KIRREL3: variants seen among roughly 807,000 people sequenced by gnomAD.
The protein encoded by KIRREL3 is kin of IRRE-like protein 3.
A neutral mutation model predicts 89.7 loss-of-function variants in KIRREL3; 36 were observed. The observed-to-expected ratio is 0.40, with a 90% confidence interval of 0.31 to 0.53. The LOEUF is 0.53. Ranked by LOEUF, KIRREL3 falls within the 20% of genes least tolerant of loss-of-function variation. The probability of loss-of-function intolerance (pLI) is 0.49; values close to 1 mark genes in which losing one functional copy is unlikely to be tolerated. For synonymous variants in KIRREL3, 445 were observed against 441.4 expected, an observed-to-expected ratio of 1.01 and a Z score of -0.10; for missense variants, 864 against 1,056.6, an observed-to-expected ratio of 0.82 and a Z score of 2.53.
intron 1 of KIRREL3, among the ~76,000 whole-genome samples, chr11:126,957,762 C>CA (rs1181652096): frequency 6.6e-6 from 1 of 152,214 alleles, no homozygotes; most frequent in Non-Finnish European, 1.5e-5. Context: ...TCTGTGTACA[C>CA]AGACAGTTAG....
intron 1 of KIRREL3, among the ~76,000 whole-genome samples, chr11:126,765,358 G>C (rs1244491487): frequency 6.6e-6 from 1 of 152,136 alleles, no homozygotes; most frequent in South Asian, 2.1e-4. Flanking sequence ...ACACCACAAA[G>C]CTAAGCCTCT....
In KIRREL3 at chr11:126,501,183, G is replaced by A. The variant is rs956471589; in HGVS notation, c.433+20132C>T. 1.2e-4 allele frequency among the ~76,000 whole-genome samples: 18 copies of A among 152,230 alleles called. No homozygotes were observed. Among genetic ancestry groups the A allele is most frequent in the East Asian group, 1.9e-4 (1 of 5,204 alleles). On this transcript the variant is annotated intron_variant, in intron 4 of 16. Coordinates refer to ENST00000525144, the MANE Select transcript of KIRREL3 (RefSeq NM_032531.4). The surrounding 1 kb of genome is among the most constrained non-coding windows in gnomAD (Gnocchi z 5.8). ...GTCCGTCCCACACTTTTCTCTGCAC[G>A]TCTGAGGAGTCCAGGAGGACTGGCT...
At position 126,943,936 on chromosome 11, in the gene KIRREL3, T is replaced by C. The variant is rs1463444114; in HGVS notation, c.55+56519A>G. Among the ~76,000 whole-genome samples, 1 of 152,194 alleles carries C rather than the reference T, an allele frequency of 6.6e-6. No homozygotes were observed. Among genetic ancestry groups the C allele is most frequent in the African/African-American group, 2.4e-5 (1 of 41,466 alleles). ...GCAGTTCGGGACATACCAAAATATG[T>C]CACCTTGGCATTTGACAAAACAGCA... On this transcript the variant is annotated intron_variant, in intron 1 of 16. Coordinates refer to ENST00000525144, the MANE Select transcript of KIRREL3 (RefSeq NM_032531.4). The surrounding 1 kb of genome is among the most constrained non-coding windows in gnomAD (Gnocchi z 4.2).
chr11:126,960,987 G>A (rs932747533), intron 1 of KIRREL3, among the ~76,000 whole-genome samples: 1 of 152,100 alleles, frequency 6.6e-6, no homozygotes, highest in Non-Finnish European at 1.5e-5. Context: ...TGTTAATATT[G>A]TAATTGTTTT....
At chr11:126,963,226 A>T (rs1187529000) in intron 1 of KIRREL3, among the ~76,000 whole-genome samples, 2 of 152,064 alleles carry the variant, frequency 1.3e-5, no homozygotes, top group African/African-American at 2.4e-5. Context: ...TGTGGAAGAG[A>T]TCTAGCCTTC....
chr11:126,533,098 T>C (rs1383721571), intron 2 of KIRREL3, among the ~76,000 whole-genome samples: 1 of 152,192 alleles, frequency 6.6e-6, no homozygotes, highest in Non-Finnish European at 1.5e-5. Flanking sequence ...TGAGCTACCA[T>C]GCCCAGCTAG....
rs1163604479 is a variant in KIRREL3, at chr11:126,651,349, G to A, written c.56-88437C>T. Among the ~76,000 whole-genome samples, 1 of 152,178 alleles carries A rather than the reference G, an allele frequency of 6.6e-6. No individual in the cohort carries two copies. The highest frequency in any genetic ancestry group is 1.9e-4 in the East Asian group (1 of 5,200). ...TCTTCCCCAAATCTCACAAATTCCA[G>A]TGATAAACTCCACTCCATGTCTCAA... On this transcript the variant is annotated intron_variant, in intron 1 of 16. Coordinates refer to ENST00000525144, the MANE Select transcript of KIRREL3 (RefSeq NM_032531.4). This position sits in a 1 kb window ranked among gnomAD's most constrained non-coding sequence, Gnocchi z 4.6.
At chr11:126,861,183 A>G (rs535561915) in intron 1 of KIRREL3, among the ~76,000 whole-genome samples, 1 of 152,286 alleles carries the variant, frequency 6.6e-6, no homozygotes, top group Non-Finnish European at 1.5e-5. Flanking sequence ...GCTTGGTGTC[A>G]TCATTTCTGG....
chr11:126,741,909 G>C (rs1948999543), intron 1 of KIRREL3, among the ~76,000 whole-genome samples: 1 of 152,220 alleles, frequency 6.6e-6, no homozygotes, highest in Non-Finnish European at 1.5e-5. Context: ...CTAGGTGAGA[G>C]GGGGAGAGTG....
At chr11:126,603,096 A>C (rs1942734810) in intron 1 of KIRREL3, among the ~76,000 whole-genome samples, 1 of 152,184 alleles carries the variant, frequency 6.6e-6, no homozygotes, top group African/African-American at 2.4e-5. Context: ...CCACACTCCA[A>C]AAAAGAATCA....
At chr11:126,573,771 A>C (rs534701241) in intron 1 of KIRREL3, among the ~76,000 whole-genome samples, 16 of 152,330 alleles carry the variant, frequency 1.1e-4, no homozygotes, top group Admixed American at 7.2e-4. Flanking sequence ...GTCTTCAAAA[A>C]CAAGAAAGCT....
Position 126,445,142 on chromosome 11 carries a change from C to T in KIRREL3, c.1126-37G>A, listed in dbSNP as rs370218639. ...GGCAGGCTCAGATGCCAAGAGCAGG[C>T]GGAGGGGTGCACTCTTGTCTCTGGG... On this transcript the variant is annotated intron_variant, in intron 9 of 16. Coordinates refer to ENST00000525144, the MANE Select transcript of KIRREL3 (RefSeq NM_032531.4). The T allele has an allele frequency of 7.9e-5, 127 of 1,609,440 alleles. No homozygotes were observed. In the Admixed American group the frequency reaches 8.7e-4, roughly 11 times the overall value.
chr11:126,713,162 G>A (rs1947828733), intron 1 of KIRREL3, among the ~76,000 whole-genome samples: 1 of 152,250 alleles, frequency 6.6e-6, no homozygotes, highest in Non-Finnish European at 1.5e-5. Context: ...AGTTGGGGCT[G>A]TGAGGATGAA....
At position 126,736,882 on chromosome 11, in the gene KIRREL3, G is replaced by A. The variant is rs1948818604; in HGVS notation, c.56-173970C>T. ...GCTGCCCAGGAAAAAGAGCTCAAAG[G>A]GAGTGCCCCAGACTGGCTGTCACAA... On this transcript the variant is annotated intron_variant, in intron 1 of 16. Transcript: ENST00000525144. This position sits in a 1 kb window ranked among gnomAD's most constrained non-coding sequence, Gnocchi z 5.0. 1.3e-5 allele frequency among the ~76,000 whole-genome samples: 2 copies of A among 152,146 alleles called. No homozygotes were observed. The highest frequency in any genetic ancestry group is 1.3e-4 in the Admixed American group (2 of 15,270).
intron 1 of KIRREL3, among the ~76,000 whole-genome samples, chr11:126,941,344 C>T (rs1565443903): frequency 6.6e-6 from 1 of 152,208 alleles, no homozygotes; most frequent in Non-Finnish European, 1.5e-5. Context: ...TTGTCTGATG[C>T]TGTTAGAGCC....
In KIRREL3 at chr11:126,455,737, C is replaced by T. The variant is rs1427525023; in HGVS notation, c.848+612G>A. On this transcript the variant is annotated intron_variant, in intron 7 of 16. Coordinates refer to ENST00000525144, the MANE Select transcript of KIRREL3 (RefSeq NM_032531.4). This position sits in a 1 kb window ranked among gnomAD's most constrained non-coding sequence, Gnocchi z 6.4. ...CGTGAACCCAGGAGGCAGAGCTTGC[C>T]AGTGAGCTGAGATCACGCCACTGCA... Among the ~76,000 whole-genome samples the T allele has an allele frequency of 6.6e-6, 1 of 152,138 alleles. No homozygotes were observed. Among genetic ancestry groups the T allele is most frequent in the African/African-American group, 2.4e-5 (1 of 41,430 alleles).
rs73018561 is a variant in KIRREL3 at position 126,748,553 on chromosome 11, A to G, written c.56-185641T>C. Reference sequence around the variant, plus strand: ...CCGTTCAAGTGCTTAGGCAGGGACCATTAATATTGTTGAAGGGCAAGGGCG... The same window carrying G: ...CCGTTCAAGTGCTTAGGCAGGGACCGTTAATATTGTTGAAGGGCAAGGGCG... On this transcript the variant is annotated intron_variant, in intron 1 of 16. Coordinates refer to ENST00000525144, the MANE Select transcript of KIRREL3 (RefSeq NM_032531.4). This position sits in a 1 kb window ranked among gnomAD's most constrained non-coding sequence, Gnocchi z 4.6. Among the ~76,000 whole-genome samples the G allele has an allele frequency of 0.055, 8,411 of 152,232 alleles. 286 individuals carry two copies. Among genetic ancestry groups the G allele is most frequent in the Admixed American group, 0.075 (1,143 of 15,288 alleles).
chr11:126,720,892 G>T (rs1948145050), intron 1 of KIRREL3, among the ~76,000 whole-genome samples: 1 of 152,154 alleles, frequency 6.6e-6, no homozygotes, highest in Non-Finnish European at 1.5e-5. Context: ...CAGAGAGCAG[G>T]AAGATCTGGA....
In KIRREL3 at chr11:126,687,162, G is replaced by A. The variant is rs1946696129; in HGVS notation, c.56-124250C>T. Among the ~76,000 whole-genome samples the A allele has an allele frequency of 2.0e-5, 3 of 152,168 alleles. No individual in the cohort carries two copies. Among genetic ancestry groups the A allele is most frequent in the African/African-American group, 7.2e-5 (3 of 41,434 alleles). On this transcript the variant is annotated intron_variant, in intron 1 of 16. Transcript: ENST00000525144. This position sits in a 1 kb window ranked among gnomAD's most constrained non-coding sequence, Gnocchi z 4.6. ...GAACCACACCCCAGAAATAAGCTAA[G>A]TAACACCTGCAACACTGTCATCAAA...
Sources: allele counts gnomAD v4.1 joint callset (sites outside exome capture counted in the v4.1 genomes callset), GRCh38; gene constraint gnomAD v4.1.1; non-coding constraint Gnocchi (gnomAD v3.1); transcripts MANE v1.5; gene names NCBI Gene and HGNC (gene_info 2026-07-23, HGNC 2026-07-21).